Variants in SGK3 observed in about 807,000 individuals in gnomAD.
SGK3 encodes the protein serine/threonine-protein kinase Sgk3.
A neutral mutation model predicts 68.5 loss-of-function variants in SGK3; 47 were observed. The observed-to-expected ratio is 0.69, with a 90% CI of 0.54 to 0.87. SGK3 has a LOEUF of 0.87. Among genes scored for constraint, SGK3 ranks in the 40% least tolerant of loss-of-function variants. The pLI is 0.00. For synonymous variants in SGK3, 181 were observed against 189.1 expected, an observed-to-expected ratio of 0.96 and a Z score of 0.35; for missense variants, 479 against 575.5, an observed-to-expected ratio of 0.83 and a Z score of 1.72.
At chr8:66,823,204 A>G (rs1376125015) in intron 6 of SGK3, among the ~76,000 whole-genome samples, 3 of 152,104 alleles carry the variant, frequency 2.0e-5, no homozygotes, top group South Asian at 2.1e-4. Flanking sequence ...CCTTGAAACT[A>G]TGTTGAATTT....
At chr8:66,780,061 T>C (rs1368955149) in intron 1 of SGK3, among the ~76,000 whole-genome samples, 2 of 152,222 alleles carry the variant, frequency 1.3e-5, no homozygotes, top group Non-Finnish European at 2.9e-5. Flanking sequence ...CATGCTGATA[T>C]ACTCCCAGCA....
At chr8:66,779,682 CAT>C (rs59617969) in intron 1 of SGK3, among the ~76,000 whole-genome samples, 18,609 of 140,264 alleles carry the variant, frequency 0.13, 2,332 homozygotes, top group African/African-American at 0.33. Flanking sequence ...AAAATTAGGG[CAT>C]ATATATATAT....
At chr8:66,852,985 C>A (rs1381159015) in intron 16 of SGK3, among the ~76,000 whole-genome samples, 1 of 152,320 alleles carries the variant, frequency 6.6e-6, no homozygotes, top group African/African-American at 2.4e-5. Context: ...ACTCAGATAG[C>A]TCCAGCATTG....
chr8:66,779,604 A>AC (rs1352164623), intron 1 of SGK3, among the ~76,000 whole-genome samples: 1 of 136,630 alleles, frequency 7.3e-6, no homozygotes, highest in East Asian at 2.1e-4. Flanking sequence ...ATATATATAA[A>AC]ACACATTTTT....
At chr8:66,844,772 A>G (rs1809940054) in intron 14 of SGK3, among the ~76,000 whole-genome samples, 1 of 152,244 alleles carries the variant, frequency 6.6e-6, no homozygotes, top group African/African-American at 2.4e-5. Context: ...AATTCAGCAC[A>G]TGAAGTACAT....
chr8:66,770,967 C>T (rs913941190), intron 1 of SGK3, among the ~76,000 whole-genome samples: 3 of 152,120 alleles, frequency 2.0e-5, no homozygotes, highest in African/African-American at 7.2e-5. Context: ...ATTTTGTGTG[C>T]TTAGGAATCA....
At chr8:66,773,296 TC>T (rs1369649214) in intron 1 of SGK3, among the ~76,000 whole-genome samples, 1 of 151,738 alleles carries the variant, frequency 6.6e-6, no homozygotes, top group Non-Finnish European at 1.5e-5. Context: ...AATGGAAGAG[TC>T]ATTGAAGACT....
At chr8:66,852,173 C>T (rs1167680753) in intron 16 of SGK3, among the ~76,000 whole-genome samples, 2 of 150,530 alleles carry the variant, frequency 1.3e-5, no homozygotes, top group African/African-American at 2.4e-5. Context: ...AGGATAAGGA[C>T]TAGAATAGAA....
chr8:66,810,530 G>A (rs779928550), intron 4 of SGK3, among the ~76,000 whole-genome samples: 9 of 152,032 alleles, frequency 5.9e-5, no homozygotes, highest in Non-Finnish European at 1.0e-4. Flanking sequence ...CTGAAACCTC[G>A]TCTCTACTAA....
Position 66,848,527 on chromosome 8 carries a change from T to C in SGK3, c.1230+1179T>C, listed in dbSNP as rs534956877. ...ACCATTAGAGTGGAGCTAACTTAGCTTCCTGCTATCAAATCCACAGACCTA... is the reference window on the plus strand; with the variant it reads ...ACCATTAGAGTGGAGCTAACTTAGCCTCCTGCTATCAAATCCACAGACCTA... On this transcript the variant is annotated intron_variant, in intron 15 of 16. Coordinates refer to ENST00000521198, the MANE Select transcript of SGK3 (RefSeq NM_001033578.3). Among the ~76,000 whole-genome samples the C allele has an allele frequency of 2.6e-5, 4 of 152,360 alleles. No homozygotes were observed. The South Asian group carries it at 8.3e-4, about 32-fold the overall frequency.
intron 1 of SGK3, among the ~76,000 whole-genome samples, chr8:66,715,220 T>C (rs1804597130): frequency 6.6e-6 from 1 of 152,138 alleles, no homozygotes; most frequent in South Asian, 2.1e-4. Context: ...GGACACATGG[T>C]ATTTATGTTT....
intron 1 of SGK3, among the ~76,000 whole-genome samples, chr8:66,787,416 G>A (rs931664848): frequency 1.4e-4 from 21 of 152,208 alleles, no homozygotes; most frequent in African/African-American, 5.1e-4. Flanking sequence ...ACCATATGAA[G>A]TCAGTCTTGC....
intron 1 of SGK3, among the ~76,000 whole-genome samples, chr8:66,722,573 C>T (rs1804826508): frequency 6.6e-6 from 1 of 152,172 alleles, no homozygotes; most frequent in South Asian, 2.1e-4. Flanking sequence ...TGCCCAGCCT[C>T]TGCAAAGATG....
At chr8:66,749,281 A>G (rs1200485369) in intron 1 of SGK3, among the ~76,000 whole-genome samples, 2 of 152,132 alleles carry the variant, frequency 1.3e-5, no homozygotes, top group Non-Finnish European at 2.9e-5. Flanking sequence ...TGGGAGGCCG[A>G]GGCGGGCGGA....
rs1247587869 is a variant in SGK3, at chr8:66,836,088, T to C, written c.741+14T>C. ...AATGGAGGGGAGGTGAGTTTTATAA[T>C]GAGTTTTCTAATGTTAATAGTTTAG... On this transcript the variant is annotated intron_variant, in intron 10 of 16. Coordinates refer to ENST00000521198, the MANE Select transcript of SGK3 (RefSeq NM_001033578.3). 1 of 1,605,066 alleles carries C rather than the reference T, an allele frequency of 6.2e-7. No homozygotes were observed. Among genetic ancestry groups the C allele is most frequent in the Non-Finnish European group, 8.5e-7 (1 of 1,177,036 alleles).
chr8:66,723,114 TATATATA>T (rs1429158708), intron 1 of SGK3, among the ~76,000 whole-genome samples: 9 of 53,822 alleles, frequency 1.7e-4, no homozygotes, highest in African/African-American at 5.7e-4. Flanking sequence ...TATATATATA[TATATATA>T]TATATATATA....
intron 6 of SGK3, among the ~76,000 whole-genome samples, chr8:66,826,320 T>C (rs1809055454): frequency 6.6e-6 from 1 of 152,216 alleles, no homozygotes; most frequent in Non-Finnish European, 1.5e-5. Flanking sequence ...TTAAACCAGT[T>C]ATCTGCACAT....
intron 16 of SGK3, among the ~76,000 whole-genome samples, chr8:66,858,229 G>C (rs1810603417): frequency 6.6e-6 from 1 of 152,130 alleles, no homozygotes; most frequent in African/African-American, 2.4e-5. Context: ...ACTTTGGGAG[G>C]CTGAGGCAGG....
chr8:66,735,049 A>C (rs1369909931), intron 1 of SGK3, among the ~76,000 whole-genome samples: 1 of 151,746 alleles, frequency 6.6e-6, no homozygotes, highest in Non-Finnish European at 1.5e-5. Context: ...TTTTCTCTTT[A>C]TTATCAGTTA....
Sources: allele counts gnomAD v4.1 joint callset (sites outside exome capture counted in the v4.1 genomes callset), GRCh38; gene constraint gnomAD v4.1.1; transcripts MANE v1.5; gene names NCBI Gene and HGNC (gene_info 2026-07-23, HGNC 2026-07-21).